MAP3K11: variants seen among roughly 807,000 people sequenced by gnomAD.
MAP3K11 encodes the protein SH3 domain-containing proline-rich kinase.
Under a neutral mutation model 84.9 loss-of-function variants are expected in MAP3K11, and 46 were observed. The ratio of observed to expected loss-of-function variants is 0.54; its 90% confidence interval spans 0.43 to 0.69. MAP3K11 has a LOEUF of 0.69. Ranked by LOEUF, MAP3K11 falls within the 30% of genes least tolerant of loss-of-function variation. The pLI, the probability that MAP3K11 is intolerant of heterozygous loss-of-function variation, is 0.00. For synonymous variants in MAP3K11, 527 were observed against 514.7 expected, an observed-to-expected ratio of 1.02 and a Z score of -0.32; for missense variants, 1,053 against 1,198.3, an observed-to-expected ratio of 0.88 and a Z score of 1.79.
In MAP3K11 at chr11:65,607,540, A is replaced by AG. The variant is rs746257533; in HGVS notation, c.1246-28dup. On this transcript the variant is annotated intron_variant, in intron 4 of 9. Coordinates refer to ENST00000309100, the MANE Select transcript of MAP3K11 (RefSeq NM_002419.4). ...TGCGCCCGAGACAGCGATGGTGGAGAGGTCAGCCTGGCACCAATCCCGGCA... is the reference window on the plus strand; with the variant it reads ...TGCGCCCGAGACAGCGATGGTGGAGAGGGTCAGCCTGGCACCAATCCCGGCA... 3 of 1,549,226 alleles carry AG rather than the reference A, an allele frequency of 1.9e-6. No individual in the cohort carries two copies. The African/African-American group carries it at 4.1e-5, about 21-fold the overall frequency.
intron 5 of MAP3K11, 91 bp downstream of exon 5, chr11:65,607,178 TA>T: frequency 7.2e-7 from 1 of 1,382,180 alleles, no homozygotes; most frequent in Non-Finnish European, 9.3e-7. Context: ...CACAACACCC[TA>T]AACCAATCCC....
In MAP3K11 at chr11:65,599,590, C is replaced by T; in HGVS notation, c.2010G>A (p.Glu670=). ...DLQPPGGPGR[E]RGESPTTPPT... ...GGGGTGTTGTCGGGGACTCCCCGCG[C>T]TCGCGTCCTGGGCCTCCCGGCGGCT... Residue 670 remains glutamate, a synonymous_variant, in exon 9 of 10, where the codon GAG becomes GAA. Transcript: ENST00000309100. The T allele has an allele frequency of 6.6e-7, 1 of 1,523,334 alleles. No individual in the cohort carries two copies. Among genetic ancestry groups the T allele is most frequent in the Non-Finnish European group, 8.7e-7 (1 of 1,144,126 alleles). 94.4% of individuals were successfully genotyped at this position (1,523,334 alleles called of 1,614,324 possible). A position where few individuals can be genotyped will look rare whatever the true frequency, so the allele number is the denominator to read the frequency against.
chr11:65,607,776 G>A lies in MAP3K11; in HGVS notation c.1110C>T (p.Ala370=). 9.3e-6 allele frequency: 15 copies of A among 1,613,164 alleles called. No homozygotes were observed. The highest frequency in any genetic ancestry group is 1.3e-5 in the Non-Finnish European group (15 of 1,179,724). The change falls in exon 4 of 10, where the codon GCC becomes GCT. Residue 370 remains alanine, a synonymous_variant. Coordinates refer to ENST00000309100, the MANE Select transcript of MAP3K11 (RefSeq NM_002419.4). The part of the protein sequence containing the change: ...AQDPHRRPDF[A]SILQQLEALE... ...GCGCCTCCAACTGCTGCAGGATGGA[G>A]GCGAAGTCGGGCCTGCGGTGGGGGT...
rs17855912 is a variant in MAP3K11, at chr11:65,608,433, G to T, written c.755C>A (p.Pro252His). 1.3e-3 allele frequency: 2,034 copies of T among 1,614,108 alleles called. 15 individuals carry two copies. The highest frequency in any genetic ancestry group is 0.011 in the East Asian group (499 of 44,880). Residue 252 changes from proline to histidine, a missense_variant, in exon 2 of 10, where the codon CCC becomes CAC. By Grantham distance (77) the Pro-to-His change is moderately conservative. Coordinates refer to ENST00000309100, the MANE Select transcript of MAP3K11 (RefSeq NM_002419.4). ...GTGCTCCATGTCGTCACTCTCAATG[G>T]GCTGCAGCAGCAAAACTAGAGAAGA... ...LKSNNILLLQPIESDDMEHKT... is the reference protein window; with the variant it reads ...LKSNNILLLQHIESDDMEHKT...
In MAP3K11 at chr11:65,607,339, G is replaced by C; in HGVS notation, c.1420C>G (p.Arg474Gly). 2.0e-6 allele frequency: 3 copies of C among 1,506,158 alleles called. No homozygotes were observed. The highest frequency in any genetic ancestry group is 2.6e-6 in the Non-Finnish European group (3 of 1,136,458). 93.3% of individuals were successfully genotyped at this position (1,506,158 alleles called of 1,614,324 possible). A position where few individuals can be genotyped will look rare whatever the true frequency, so the allele number is the denominator to read the frequency against. The change falls in exon 5 of 10, where the codon CGC (arginine) becomes GGC (glycine). Residue 474 changes from arginine to glycine, a missense_variant. Transcript: ENST00000309100. The stretch of plus-strand genomic sequence containing the variant: ...TTGCTGCGCTTGAATGTCCCGCGGC[G>C]GCGGCGCACGTGCGGTCGCTCGCGG... ...VDRERPHVRR[R>G]RGTFKRSKLR...
Position 65,599,623 on chromosome 11 carries a change from G to A in MAP3K11, c.1977C>T (p.Arg659=), listed in dbSNP as rs957825319. Residue 659 remains arginine (R), a synonymous_variant, in exon 9 of 10, where the codon CGC becomes CGT. Transcript: ENST00000309100. ...TALLASLGLG[R]DLQPPGGPGR... is the part of the protein sequence containing the mutation. ...CTGGGCCTCCCGGCGGCTGCAGGTC[G>A]CGGCCAAGGCCCAGCGAGGCGAGCA... 7 of 1,538,012 alleles carry A rather than the reference G, an allele frequency of 4.6e-6. No individual in the cohort carries two copies. The highest frequency in any genetic ancestry group is 2.8e-5 in the African/African-American group (2 of 70,380).
chr11:65,606,357 T>A, intron 6 of MAP3K11: 1 of 445,068 alleles, frequency 2.2e-6, no homozygotes, highest in Non-Finnish European at 3.9e-6. Context: ...ACTTATTAAC[T>A]GTGTAACAAG....
chr11:65,598,665 C>A (rs996572655), intron 9 of MAP3K11, 37 bp from the exon 10 acceptor site: 25 of 1,417,382 alleles, frequency 1.8e-5, no homozygotes, highest in Non-Finnish European at 2.3e-5. Flanking sequence ...GTCAAGCAAC[C>A]CCCAACTGCT....
At position 65,599,756 on chromosome 11, in the gene MAP3K11, C is replaced by G. The variant is rs777262484; in HGVS notation, c.1844G>C (p.Arg615Pro). The G allele has an allele frequency of 1.9e-6, 3 of 1,593,372 alleles. No homozygotes were observed. Among genetic ancestry groups the G allele is most frequent in the Non-Finnish European group, 2.5e-6 (3 of 1,177,600 alleles). The change falls in exon 9 of 10, where the codon CGG (arginine) becomes CCG (proline). Residue 615 changes from arginine (R) to proline (P), a missense_variant. Physicochemically the swap from Arg to Pro is moderately radical, Grantham distance 103. Coordinates refer to ENST00000309100, the MANE Select transcript of MAP3K11 (RefSeq NM_002419.4). ...TPPALNGNPP[R>P]PSLEPEEPKR... The stretch of plus-strand genomic sequence containing the variant: ...GGGCTCCTCGGGCTCCAGGCTAGGC[C>G]GCGGGGGGTTACCTGCGGGCAGAGG...
intron 1 of MAP3K11, chr11:65,612,169 G>C (rs1854577387): frequency 6.6e-6 from 1 of 152,584 alleles, no homozygotes; most frequent in Non-Finnish European, 1.5e-5. Context: ...CCTGGTCCCT[G>C]CTGTGTGCTG....
At position 65,607,344 on chromosome 11, in the gene MAP3K11, C is replaced by T; in HGVS notation, c.1415G>A (p.Arg472His). 1.3e-6 allele frequency: 2 copies of T among 1,505,208 alleles called. No individual in the cohort carries two copies. The highest frequency in any genetic ancestry group is 1.8e-6 in the Non-Finnish European group (2 of 1,135,876). The allele number at this position is 1,505,208 out of a possible 1,614,324, so 93.2% of individuals were successfully genotyped here. A position where few individuals can be genotyped will look rare whatever the true frequency, so the allele number is the denominator to read the frequency against. ...GCGCTTGAATGTCCCGCGGCGGCGG[C>T]GCACGTGCGGTCGCTCGCGGTCCAC... ...QQVDRERPHV[R>H]RRRGTFKRSK... The change falls in exon 5 of 10, where the codon CGC (arginine) becomes CAC (histidine). Residue 472 changes from arginine (R) to histidine (H), a missense_variant. This residue lies in a region of MAP3K11 where 583 missense variants were observed against 566.6 expected (regional missense o/e 1.03). Coordinates refer to ENST00000309100, the MANE Select transcript of MAP3K11 (RefSeq NM_002419.4).
At chr11:65,603,106 AAAAAT>A (rs1854472588) in intron 8 of MAP3K11, among the ~76,000 whole-genome samples, 2 of 152,214 alleles carry the variant, frequency 1.3e-5, no homozygotes, top group Admixed American at 1.3e-4. Flanking sequence ...CTATCTTTAA[AAAAAT>A]AAAAGACAGA....
At chr11:65,601,066 CTTCATTCACTCA>C (rs1183810253) in intron 8 of MAP3K11, among the ~76,000 whole-genome samples, 1 of 152,248 alleles carries the variant, frequency 6.6e-6, no homozygotes, top group African/African-American at 2.4e-5. Flanking sequence ...TCACTTCCAG[CTTCATTCACTCA>C]TTCATTCAAT....
chr11:65,601,105 A>T (rs1374431041), intron 8 of MAP3K11, among the ~76,000 whole-genome samples: 1 of 152,022 alleles, frequency 6.6e-6, no homozygotes, highest in Non-Finnish European at 1.5e-5. Context: ...CTACTGACCC[A>T]TGTGCCTTGG....
chr11:65,599,020 G>A (rs188112562), intron 9 of MAP3K11, among the ~76,000 whole-genome samples: 1 of 152,284 alleles, frequency 6.6e-6, no homozygotes, highest in East Asian at 1.9e-4. Context: ...AGTTTGCTAC[G>A]ATTATGATTA....
chr11:65,601,750 C>T (rs1479529253), intron 8 of MAP3K11, among the ~76,000 whole-genome samples: 5 of 135,094 alleles, frequency 3.7e-5, no homozygotes, highest in South Asian at 4.6e-4. Context: ...AGCGAGACTC[C>T]GTCTCAAAAA....
Position 65,614,078 on chromosome 11 carries a change from C to T in MAP3K11, c.-322G>A. 1 of 308,654 alleles carries T rather than the reference C, an allele frequency of 3.2e-6. No homozygotes were observed. The allele number at this position is 308,654 out of a possible 1,614,324, so 19.1% of individuals were successfully genotyped here. A position where few individuals can be genotyped will look rare whatever the true frequency, so the allele number is the denominator to read the frequency against. On this transcript the variant is annotated 5_prime_UTR_variant, in exon 1 of 10. Transcript: ENST00000309100. ...CAGTCCTGGGAGCCTGGCTCCGGCC[C>T]CCGCCAAGTGTAAGGTGGGGCCTTC...
At chr11:65,605,550 G>C in intron 8 of MAP3K11, 1 of 507,680 alleles carries the variant, frequency 2.0e-6, no homozygotes, top group South Asian at 2.8e-5. Context: ...CCGAGCCGAG[G>C]CCTGGGCTGT....
chr11:65,605,747 G>A lies in MAP3K11; in HGVS notation c.1831+14C>T. 1 of 1,588,730 alleles carries A rather than the reference G, an allele frequency of 6.3e-7. No individual in the cohort carries two copies. Among genetic ancestry groups the A allele is most frequent in the Non-Finnish European group, 8.6e-7 (1 of 1,166,398 alleles). On this transcript the variant is annotated intron_variant, in intron 8 of 9. Transcript: ENST00000309100. ...AGCTCAGCCAGATCCTGCCGGGGGA[G>A]GAAGGCCACTCACCATTGAGTGCTG...
Sources: gnomAD v4.1 joint callset for allele counts (sites outside exome capture counted in the v4.1 genomes callset) on GRCh38, gnomAD v4.1.1 for gene constraint, gnomAD v4.1.1 regional missense constraint, MANE v1.5 for transcripts, NCBI Gene and HGNC (gene_info 2026-07-23, HGNC 2026-07-21) for gene names.